AGBL4: variants seen among roughly 807,000 people sequenced by gnomAD.
AGBL4 encodes AGBL carboxypeptidase 4, also known as cytosolic carboxypeptidase 6.
Under a neutral mutation model 66.4 loss-of-function variants are expected in AGBL4, and 58 were observed. The observed-to-expected ratio is 0.87, with a 90% CI of 0.71 to 1.09. AGBL4 has a LOEUF of 1.09. Among genes scored for constraint, AGBL4 ranks in the 50% least tolerant of loss-of-function variants. The pLI is 0.00. For synonymous variants in AGBL4, 234 were observed against 222.9 expected (o/e 1.05, Z -0.44); for missense variants, 579 against 631.0 (o/e 0.92, Z 0.88).
intron 6 of AGBL4, among the ~76,000 whole-genome samples, chr1:48,691,777 G>A (rs900176287): frequency 7.2e-5 from 11 of 152,160 alleles, no homozygotes; most frequent in Admixed American, 2.0e-4. Flanking sequence ...TGTTAGTGCT[G>A]GAACCCAGCC....
chr1:49,319,537 A>C (rs1259054640), intron 3 of AGBL4, among the ~76,000 whole-genome samples: 2 of 152,170 alleles, frequency 1.3e-5, no homozygotes, highest in Admixed American at 1.3e-4. Context: ...AAGATGGCTG[A>C]TCAAACTCCA....
At chr1:48,802,898 AC>A (rs1482869093) in intron 6 of AGBL4, among the ~76,000 whole-genome samples, 2 of 151,942 alleles carry the variant, frequency 1.3e-5, no homozygotes, top group African/African-American at 2.4e-5. Flanking sequence ...TTTTATTTCC[AC>A]CATAGACCTC....
intron 2 of AGBL4, among the ~76,000 whole-genome samples, chr1:49,740,353 T>C (rs1408078992): frequency 6.6e-6 from 1 of 152,132 alleles, no homozygotes; most frequent in Admixed American, 6.5e-5. Context: ...GAGCTAACTA[T>C]CCTAAATATA....
At chr1:48,823,260 C>T (rs1646354730) in intron 6 of AGBL4, among the ~76,000 whole-genome samples, 1 of 152,214 alleles carries the variant, frequency 6.6e-6, no homozygotes, top group African/African-American at 2.4e-5. Context: ...CATCTATCAC[C>T]TCTGGTTCCC....
At chr1:48,832,677 G>A (rs1403983072) in intron 6 of AGBL4, among the ~76,000 whole-genome samples, 1 of 152,214 alleles carries the variant, frequency 6.6e-6, no homozygotes, top group Non-Finnish European at 1.5e-5. Flanking sequence ...GCATGCCTAT[G>A]TGGGTGTTTC....
At chr1:48,523,043 G>C in the AGBL4 span, among the ~76,000 whole-genome samples, 4 of 152,250 alleles carry the variant, frequency 2.6e-5, no homozygotes, top group East Asian at 7.7e-4. Flanking sequence ...TGGGTTGAAG[G>C]GGGTGTTCCT....
chr1:48,618,378 T>C (rs140716444), intron 9 of AGBL4, among the ~76,000 whole-genome samples: 101 of 152,304 alleles, frequency 6.6e-4, no homozygotes, highest in Non-Finnish European at 8.8e-4. Flanking sequence ...CTGGAGTGCA[T>C]GTGCTCCAAG....
chr1:49,128,966 T>C (rs528075736), intron 4 of AGBL4, among the ~76,000 whole-genome samples: 66 of 152,040 alleles, frequency 4.3e-4, no homozygotes, highest in South Asian at 8.3e-4. Context: ...ATATACGTGA[T>C]AAAAGACTTG....
At chr1:49,272,758 A>C (rs1644087604) in intron 3 of AGBL4, among the ~76,000 whole-genome samples, 1 of 152,272 alleles carries the variant, frequency 6.6e-6, no homozygotes, top group Admixed American at 6.5e-5. Context: ...GTCTATATAC[A>C]CACATGTATA....
intron 6 of AGBL4, among the ~76,000 whole-genome samples, chr1:48,739,251 A>G (rs1649538839): frequency 6.6e-6 from 1 of 152,190 alleles, no homozygotes; most frequent in Non-Finnish European, 1.5e-5. Context: ...CCCATCCTAT[A>G]ATCACGACAG....
At chr1:49,658,244 G>C (rs1408689874) in intron 3 of AGBL4, among the ~76,000 whole-genome samples, 8 of 152,190 alleles carry the variant, frequency 5.3e-5, no homozygotes, top group Middle Eastern at 3.4e-3. Flanking sequence ...GCAGCCAACA[G>C]ACACATGAAA....
At chr1:49,873,154 G>A (rs1380109236) in intron 1 of AGBL4, among the ~76,000 whole-genome samples, 1 of 151,772 alleles carries the variant, frequency 6.6e-6, no homozygotes, top group African/African-American at 2.4e-5. Context: ...GAGTAATATG[G>A]CCTATATCAG....
chr1:48,886,492 C>T (rs898822113), intron 5 of AGBL4, among the ~76,000 whole-genome samples: 3 of 152,120 alleles, frequency 2.0e-5, no homozygotes, highest in South Asian at 4.1e-4. Flanking sequence ...CTGCTGTGGG[C>T]GTCACACTTC....
intron 5 of AGBL4, among the ~76,000 whole-genome samples, chr1:48,989,864 C>T (rs557238355): frequency 2.6e-5 from 4 of 151,822 alleles, no homozygotes; most frequent in South Asian, 2.1e-4. Context: ...GATATGTCTT[C>T]GATATACTGA....
At chr1:48,523,960 TA>T in the AGBL4 span, among the ~76,000 whole-genome samples, 2 of 152,158 alleles carry the variant, frequency 1.3e-5, no homozygotes, top group South Asian at 2.1e-4. Context: ...TTTGTGTATC[TA>T]AAAAAATCTA....
intron 5 of AGBL4, among the ~76,000 whole-genome samples, chr1:49,014,640 G>C (rs1269735283): frequency 6.6e-6 from 1 of 152,118 alleles, no homozygotes. Context: ...TTGCCTGTTA[G>C]TCACCATGCA....
chr1:49,852,949 G>C (rs1646341869), intron 1 of AGBL4, among the ~76,000 whole-genome samples: 1 of 151,826 alleles, frequency 6.6e-6, no homozygotes, highest in African/African-American at 2.4e-5. Context: ...AAACACACCT[G>C]AACTCCAAGC....
intron 3 of AGBL4, among the ~76,000 whole-genome samples, chr1:49,300,795 A>G (rs1337936048): frequency 1.3e-5 from 2 of 152,154 alleles, no homozygotes; most frequent in African/African-American, 4.8e-5. Context: ...TCGTTGTGCT[A>G]TTCTGCATAA....
rs1168750318 is a variant in AGBL4, at chr1:49,563,094, G to T, written c.282+134219C>A. 3.3e-5 allele frequency among the ~76,000 whole-genome samples: 5 copies of T among 152,138 alleles called. No homozygotes were observed. In the East Asian group the frequency reaches 5.8e-4, roughly 18 times the overall value. On this transcript the variant is annotated intron_variant, in intron 3 of 13. Coordinates refer to ENST00000371839, the MANE Select transcript of AGBL4 (RefSeq NM_032785.4). ...CAATTGTGAATGGGAGTTCACTCAT[G>T]ATTTGGCTCTCTGTTTGTCTGTTAT...
Sources: gnomAD v4.1 joint callset for allele counts (sites outside exome capture counted in the v4.1 genomes callset) on GRCh38, gnomAD v4.1.1 for gene constraint, MANE v1.5 for transcripts, NCBI Gene and HGNC (gene_info 2026-07-23, HGNC 2026-07-21) for gene names.